Variants in UQCC1 observed in about 807,000 individuals in gnomAD.
The protein encoded by UQCC1 is ubiquinol-cytochrome c reductase complex assembly factor 1, also known as bFGF-repressed Zic-binding protein.
A neutral mutation model predicts 48.0 loss-of-function variants in UQCC1; 38 were observed. The ratio of observed to expected loss-of-function variants is 0.79; its 90% CI spans 0.61 to 1.04. The LOEUF is 1.04. Ranked by LOEUF, UQCC1 falls within the 50% of genes least tolerant of loss-of-function variation. The pLI is 0.00. For synonymous variants in UQCC1, 111 were observed against 129.2 expected, an observed-to-expected ratio of 0.86 and a Z score of 0.95; for missense variants, 368 against 381.8, an observed-to-expected ratio of 0.96 and a Z score of 0.30.
At chr20:35,346,863 T>A (rs919112487) in intron 7 of UQCC1, 7 of 823,880 alleles carry the variant, frequency 8.5e-6, no homozygotes, top group Admixed American at 5.8e-5. Context: ...GATTATCATT[T>A]GATTCCCTCC....
intron 6 of UQCC1, 114 bp from the exon 7 acceptor site, chr20:35,347,386 C>A: frequency 2.3e-6 from 3 of 1,281,868 alleles, no homozygotes; most frequent in Non-Finnish European, 2.2e-6. Context: ...CCAAATCAAA[C>A]TGGAAGTGAA....
intron 7 of UQCC1, among the ~76,000 whole-genome samples, chr20:35,321,272 G>GTC (rs1819814497): frequency 6.6e-6 from 1 of 150,436 alleles, no homozygotes. Flanking sequence ...GTGTGTGTGT[G>GTC]TGTGTGTGTG....
In UQCC1 at chr20:35,374,573, T is replaced by G. The variant is rs566876343; in HGVS notation, c.334-317A>C. Among the ~76,000 whole-genome samples, 28 of 152,306 alleles carry G rather than the reference T, an allele frequency of 1.8e-4. 1 individual carries two copies. Among genetic ancestry groups the G allele is most frequent in the African/African-American group, 6.5e-4 (27 of 41,558 alleles). ...GCCTCTAAATCACTGTTCAGCATTA[T>G]CCACATTAACTCTTTAGAATCTGAA... On this transcript the variant is annotated intron_variant, in intron 4 of 9. Coordinates refer to ENST00000374385, the MANE Select transcript of UQCC1 (RefSeq NM_018244.5).
intron 5 of UQCC1, among the ~76,000 whole-genome samples, chr20:35,372,703 TA>T (rs1396266999): frequency 1.3e-5 from 2 of 151,714 alleles, no homozygotes; most frequent in Non-Finnish European, 2.9e-5. Context: ...CTGTCTCTAC[TA>T]AAAAAAATAC....
At chr20:35,409,073 G>C (rs773221328) in intron 1 of UQCC1, among the ~76,000 whole-genome samples, 3 of 152,146 alleles carry the variant, frequency 2.0e-5, no homozygotes, top group Non-Finnish European at 4.4e-5. Context: ...AATAGGTTCA[G>C]AGTTTCAGTT....
chr20:35,311,518 T>C (rs2146301296), intron 8 of UQCC1, among the ~76,000 whole-genome samples: 1 of 152,344 alleles, frequency 6.6e-6, no homozygotes, highest in East Asian at 1.9e-4. Context: ...ATGTGTTTAG[T>C]ATCAAATAGC....
intron 7 of UQCC1, among the ~76,000 whole-genome samples, chr20:35,342,071 G>C (rs2061385898): frequency 6.6e-6 from 1 of 152,136 alleles, no homozygotes; most frequent in Non-Finnish European, 1.5e-5. Context: ...ATTTTTCCTA[G>C]GCCCTCTGCA....
intron 6 of UQCC1, among the ~76,000 whole-genome samples, chr20:35,358,555 G>A (rs2061572700): frequency 6.6e-6 from 1 of 152,054 alleles, no homozygotes; most frequent in South Asian, 2.1e-4. Context: ...CTACTACTCT[G>A]TTTAGGATCA....
chr20:35,327,600 G>A (rs2061209252), intron 7 of UQCC1, among the ~76,000 whole-genome samples: 1 of 152,216 alleles, frequency 6.6e-6, no homozygotes. Flanking sequence ...AGCATCCTGG[G>A]AATGGCTGAG....
chr20:35,397,976 T>G (rs1568710545), intron 1 of UQCC1, among the ~76,000 whole-genome samples: 1 of 152,190 alleles, frequency 6.6e-6, no homozygotes, highest in African/African-American at 2.4e-5. Flanking sequence ...ATGAACTCAT[T>G]TAAACTTCAC....
chr20:35,329,523 AC>A (rs1179349546), intron 7 of UQCC1, among the ~76,000 whole-genome samples: 2 of 152,082 alleles, frequency 1.3e-5, no homozygotes, highest in African/African-American at 4.8e-5. Context: ...GCTCCAACCA[AC>A]CCCACAGGGC....
intron 8 of UQCC1, among the ~76,000 whole-genome samples, chr20:35,308,822 C>A (rs1475668469): frequency 6.6e-6 from 1 of 152,214 alleles, no homozygotes; most frequent in Admixed American, 6.5e-5. Flanking sequence ...TCAAGTGATT[C>A]TCTTGCCTCA....
At chr20:35,309,325 G>A (rs533425217) in intron 8 of UQCC1, 56 of 382,986 alleles carry the variant, frequency 1.5e-4, no homozygotes, top group Non-Finnish European at 2.5e-4. Flanking sequence ...CCAGCTACTC[G>A]GGAGGATGAG....
intron 6 of UQCC1, among the ~76,000 whole-genome samples, chr20:35,363,507 C>A (rs1009619354): frequency 6.6e-6 from 1 of 152,080 alleles, no homozygotes; most frequent in Non-Finnish European, 1.5e-5. Flanking sequence ...AAATCCTAAA[C>A]CACAGAAAAA....
At chr20:35,367,110 C>CA (rs1338416461) in intron 5 of UQCC1, among the ~76,000 whole-genome samples, 35 of 137,560 alleles carry the variant, frequency 2.5e-4, no homozygotes, top group South Asian at 6.7e-4. Flanking sequence ...AAAAAAAAAA[C>CA]AAACAAAAAA....
intron 6 of UQCC1, 95 bp from the exon 7 acceptor site, chr20:35,347,367 C>T (rs959269159): frequency 2.3e-5 from 33 of 1,435,844 alleles, no homozygotes; most frequent in Admixed American, 1.3e-4. Flanking sequence ...GTGAGTTTAG[C>T]AAAGGGCACC....
At chr20:35,388,426 G>T (rs1401226233) in intron 2 of UQCC1, among the ~76,000 whole-genome samples, 1 of 151,160 alleles carries the variant, frequency 6.6e-6, no homozygotes, top group Non-Finnish European at 1.5e-5. Context: ...TGAGTACCTG[G>T]GAACACAGAG....
intron 5 of UQCC1, among the ~76,000 whole-genome samples, chr20:35,369,147 G>A (rs929641678): frequency 2.0e-5 from 3 of 152,206 alleles, no homozygotes; most frequent in African/African-American, 7.2e-5. Flanking sequence ...CAGTTCTTGG[G>A]CTGGAAAGCA....
rs370380857 is a variant in UQCC1 at position 35,311,212 on chromosome 20, C to G, written c.651+3476G>C. Among the ~76,000 whole-genome samples the G allele has an allele frequency of 3.9e-5, 6 of 151,990 alleles. No individual in the cohort carries two copies. The South Asian group carries it at 1.2e-3, about 32-fold the overall frequency. Reference sequence around the variant, plus strand: ...AGAGAGAGCACAAGAAATATAAAGGCAGATAGGGCACATAGCAATGGCAAC... The same window carrying G: ...AGAGAGAGCACAAGAAATATAAAGGGAGATAGGGCACATAGCAATGGCAAC... On this transcript the variant is annotated intron_variant, in intron 8 of 9. Coordinates refer to ENST00000374385, the MANE Select transcript of UQCC1 (RefSeq NM_018244.5).
Sources: allele counts gnomAD v4.1 joint callset (sites outside exome capture counted in the v4.1 genomes callset), GRCh38; gene constraint gnomAD v4.1.1; transcripts MANE v1.5; gene names NCBI Gene and HGNC (gene_info 2026-07-23, HGNC 2026-07-21).